SUPT3H: variants seen among roughly 807,000 people sequenced by gnomAD.
SUPT3H encodes SPT3 homolog, SAGA and STAGA complex component.
Under a neutral mutation model 44.3 loss-of-function variants are expected in SUPT3H, and 44 were observed. That is an observed-to-expected ratio of 0.99 (90% CI 0.78 to 1.28). The LOEUF (loss-of-function observed/expected upper bound fraction) is 1.28. Among genes scored for constraint, SUPT3H ranks in the 50% most tolerant of loss-of-function variants. The probability of loss-of-function intolerance (pLI) is 0.00; values close to 1 mark genes in which losing one functional copy is unlikely to be tolerated. For synonymous variants in SUPT3H, 124 were observed against 125.6 expected, an observed-to-expected ratio of 0.99 and a Z score of 0.09; for missense variants, 380 against 387.1, an observed-to-expected ratio of 0.98 and a Z score of 0.15.
intron 6 of SUPT3H, among the ~76,000 whole-genome samples, chr6:44,995,172 A>G (rs965226736): frequency 6.6e-6 from 1 of 152,044 alleles, no homozygotes; most frequent in African/African-American, 2.4e-5. Flanking sequence ...TTAAAGGACT[A>G]AAAATAAACA....
chr6:44,923,110 C>A (rs924286255), intron 10 of SUPT3H, among the ~76,000 whole-genome samples: 1 of 152,082 alleles, frequency 6.6e-6, no homozygotes, highest in Admixed American at 6.5e-5. Context: ...CCTTTCCTTG[C>A]ACTCATGATC....
chr6:45,181,786 C>T (rs1813261048), intron 2 of SUPT3H, among the ~76,000 whole-genome samples: 1 of 151,640 alleles, frequency 6.6e-6, no homozygotes, highest in South Asian at 2.1e-4. Flanking sequence ...TTAGTGGGTG[C>T]AGCGCACCAG....
intron 2 of SUPT3H, among the ~76,000 whole-genome samples, chr6:45,287,009 A>G (rs1315660200): frequency 2.6e-5 from 4 of 151,920 alleles, no homozygotes; most frequent in Admixed American, 2.0e-4. Flanking sequence ...ACCAAACACC[A>G]CATGTTCTCA....
chr6:45,217,912 A>G lies in SUPT3H; in HGVS notation c.102-111906T>C, dbSNP rs546821275. ...CTCAAAAGAAAAAGAAAACAAAACA[A>G]AAAAACATATATATGAAGCAAGGTG... On this transcript the variant is annotated intron_variant, in intron 2 of 10. Coordinates refer to ENST00000371459, the MANE Select transcript of SUPT3H (RefSeq NM_003599.4). 2.0e-5 allele frequency among the ~76,000 whole-genome samples: 3 copies of G among 152,222 alleles called. No homozygotes were observed. In the East Asian group the frequency reaches 5.8e-4, roughly 29 times the overall value.
intron 2 of SUPT3H, among the ~76,000 whole-genome samples, chr6:45,141,539 C>A (rs144771442): frequency 6.6e-6 from 1 of 151,322 alleles, no homozygotes; most frequent in Non-Finnish European, 1.5e-5. Flanking sequence ...AAATGAAAGA[C>A]ACACTTAGAG....
In SUPT3H at chr6:45,355,862, A is replaced by G. The variant is rs1302521015; in HGVS notation, c.101+9339T>C. ...CCAAAAAGAATGTTATTTTTGTTGA[A>G]TAAATAAATATTAATTGATTGCCAG... On this transcript the variant is annotated intron_variant, in intron 2 of 10. Coordinates refer to ENST00000371459, the MANE Select transcript of SUPT3H (RefSeq NM_003599.4). Among the ~76,000 whole-genome samples, 4 of 152,166 alleles carry G rather than the reference A, an allele frequency of 2.6e-5. No homozygotes were observed. The South Asian group carries it at 8.3e-4, about 32-fold the overall frequency.
chr6:45,348,405 G>A (rs1473086194), intron 2 of SUPT3H, among the ~76,000 whole-genome samples: 5 of 150,860 alleles, frequency 3.3e-5, no homozygotes, highest in Non-Finnish European at 7.4e-5. Flanking sequence ...GGTGGCTCAC[G>A]CCTGTAATCC....
At chr6:45,058,408 T>C (rs1791468611) in intron 3 of SUPT3H, among the ~76,000 whole-genome samples, 1 of 152,188 alleles carries the variant, frequency 6.6e-6, no homozygotes, top group Non-Finnish European at 1.5e-5. Flanking sequence ...TCAACAAATA[T>C]ATACTGAACA....
In SUPT3H at chr6:45,081,807, T is replaced by C. The variant is rs531050734; in HGVS notation, c.186+24115A>G. On this transcript the variant is annotated intron_variant, in intron 3 of 10. Transcript: ENST00000371459. Reference sequence around the variant, plus strand: ...TTTACTCTTGGGCCTGATAAAATATTGACAGAAACAATTCTAAAAGAACTG... The same window carrying C: ...TTTACTCTTGGGCCTGATAAAATATCGACAGAAACAATTCTAAAAGAACTG... 4.6e-5 allele frequency among the ~76,000 whole-genome samples: 7 copies of C among 152,230 alleles called. No homozygotes were observed. In the South Asian group the frequency reaches 1.2e-3, roughly 27 times the overall value.
chr6:45,322,045 C>T (rs1159845431), intron 2 of SUPT3H, among the ~76,000 whole-genome samples: 1 of 151,980 alleles, frequency 6.6e-6, no homozygotes, highest in African/African-American at 2.4e-5. Flanking sequence ...TAATAAGAAT[C>T]ATGAATAATT....
chr6:45,025,081 A>C (rs1273353357), intron 3 of SUPT3H, among the ~76,000 whole-genome samples: 1 of 152,112 alleles, frequency 6.6e-6, no homozygotes. Flanking sequence ...TAATACATAA[A>C]TCTCTCTCAT....
intron 2 of SUPT3H, among the ~76,000 whole-genome samples, chr6:45,269,579 G>GA (rs1775791753): frequency 6.6e-6 from 1 of 152,126 alleles, no homozygotes; most frequent in African/African-American, 2.4e-5. Context: ...GAATGGTTAG[G>GA]AAAGACAATT....
intron 2 of SUPT3H, among the ~76,000 whole-genome samples, chr6:45,152,408 C>A (rs950809967): frequency 6.6e-6 from 1 of 152,146 alleles, no homozygotes; most frequent in African/African-American, 2.4e-5. Flanking sequence ...CTAGCCTGGG[C>A]AGTTCTAGTA....
chr6:45,177,681 T>G (rs1337337901), intron 2 of SUPT3H, among the ~76,000 whole-genome samples: 2 of 151,054 alleles, frequency 1.3e-5, no homozygotes, highest in African/African-American at 4.9e-5. Context: ...AAGGTCGGGT[T>G]AGCCTCAAAG....
At chr6:45,184,126 A>G (rs115487022) in intron 2 of SUPT3H, among the ~76,000 whole-genome samples, 280 of 152,330 alleles carry the variant, frequency 1.8e-3, no homozygotes, top group African/African-American at 6.5e-3. Context: ...GAGTACATGG[A>G]AACACTCTAT....
chr6:44,929,616 C>T (rs1770203883), intron 10 of SUPT3H, among the ~76,000 whole-genome samples: 2 of 152,160 alleles, frequency 1.3e-5, no homozygotes, highest in Non-Finnish European at 2.9e-5. Context: ...AAGCAGTCCA[C>T]ATACCTTTTC....
At chr6:44,940,214 G>T (rs1324444012) in intron 9 of SUPT3H, among the ~76,000 whole-genome samples, 1 of 151,888 alleles carries the variant, frequency 6.6e-6, no homozygotes, top group Non-Finnish European at 1.5e-5. Flanking sequence ...CAATGCTTTT[G>T]CTGTATACCA....
intron 3 of SUPT3H, among the ~76,000 whole-genome samples, chr6:45,062,588 A>G (rs1053994367): frequency 3.5e-4 from 53 of 152,176 alleles, no homozygotes; most frequent in Non-Finnish European, 7.1e-4. Context: ...CAGTGGGCGC[A>G]GGCCAGTGGG....
At chr6:45,330,028 T>C (rs1221502422) in intron 2 of SUPT3H, among the ~76,000 whole-genome samples, 1 of 151,812 alleles carries the variant, frequency 6.6e-6, no homozygotes, top group African/African-American at 2.4e-5. Flanking sequence ...AGAGGATCAG[T>C]CTCAGTTTAG....
Sources: gnomAD v4.1 joint callset for allele counts (sites outside exome capture counted in the v4.1 genomes callset) on GRCh38, gnomAD v4.1.1 for gene constraint, MANE v1.5 for transcripts, NCBI Gene and HGNC (gene_info 2026-07-23, HGNC 2026-07-21) for gene names.